SGCZ: variants seen among roughly 807,000 people sequenced by gnomAD.
SGCZ encodes the protein zeta-sarcoglycan.
In SGCZ, 40 loss-of-function variants were observed where a neutral mutation model predicts 41.3. That is an observed-to-expected ratio of 0.97 (90% CI 0.75 to 1.26). SGCZ has a LOEUF of 1.26. SGCZ is among the 50% of genes most tolerant of loss of function. SGCZ has a pLI of 0.00. For synonymous variants in SGCZ, 206 were observed against 137.5 expected (o/e 1.50, Z -3.49); for missense variants, 552 against 369.8 (o/e 1.49, Z -4.04).
chr8:14,927,154 G>T (rs1015192700), intron 1 of SGCZ, among the ~76,000 whole-genome samples: 3 of 133,940 alleles, frequency 2.2e-5, no homozygotes, highest in African/African-American at 8.4e-5. Context: ...TGTCACCCAG[G>T]CTGGAGTGCA....
chr8:14,987,815 C>T (rs1477365644), intron 1 of SGCZ, among the ~76,000 whole-genome samples: 1 of 151,928 alleles, frequency 6.6e-6, no homozygotes, highest in African/African-American at 2.4e-5. Flanking sequence ...TTTCAGGCAA[C>T]AATTTCATTG....
At chr8:14,225,145 C>G (rs1806328791) in intron 4 of SGCZ, among the ~76,000 whole-genome samples, 2 of 152,004 alleles carry the variant, frequency 1.3e-5, no homozygotes, top group Admixed American at 1.3e-4. Context: ...CATCTCTTTC[C>G]TCTTATCAAT....
intron 1 of SGCZ, among the ~76,000 whole-genome samples, chr8:14,806,069 G>T (rs1271226248): frequency 6.6e-6 from 1 of 151,372 alleles, no homozygotes; most frequent in Non-Finnish European, 1.5e-5. Flanking sequence ...TCTCTGGGAC[G>T]CATTCAAAGC....
At chr8:14,865,594 A>G (rs1423013295) in intron 1 of SGCZ, among the ~76,000 whole-genome samples, 1 of 152,050 alleles carries the variant, frequency 6.6e-6, no homozygotes, top group Non-Finnish European at 1.5e-5. Context: ...CCACGAATTA[A>G]CCCATGAACC....
chr8:14,444,759 A>C (rs191111438), intron 2 of SGCZ, among the ~76,000 whole-genome samples: 2 of 152,194 alleles, frequency 1.3e-5, no homozygotes, highest in Non-Finnish European at 2.9e-5. Flanking sequence ...ACATGTATAC[A>C]TATGTAACTA....
intron 3 of SGCZ, among the ~76,000 whole-genome samples, chr8:14,277,946 A>G (rs944266956): frequency 1.3e-5 from 2 of 152,116 alleles, no homozygotes; most frequent in African/African-American, 4.8e-5. Flanking sequence ...CAGACAAAAG[A>G]AGTCATCGCC....
intron 2 of SGCZ, among the ~76,000 whole-genome samples, chr8:14,362,314 G>T (rs1403243750): frequency 6.6e-6 from 1 of 152,186 alleles, no homozygotes; most frequent in Non-Finnish European, 1.5e-5. Flanking sequence ...AGGCCTTGCT[G>T]AGCTGTAGGG....
At chr8:14,136,797 G>C (rs759636780) in intron 5 of SGCZ, among the ~76,000 whole-genome samples, 9 of 152,168 alleles carry the variant, frequency 5.9e-5, no homozygotes, top group Non-Finnish European at 1.3e-4. Flanking sequence ...GAAAAGAGCA[G>C]TGGTTCTCCC....
chr8:14,978,087 G>A (rs11987866), intron 1 of SGCZ, among the ~76,000 whole-genome samples: 7,589 of 151,880 alleles, frequency 0.05, 322 homozygotes, highest in African/African-American at 0.11. Context: ...GTACTTTCAT[G>A]TTCTCATATG....
In SGCZ at chr8:14,321,771, A is replaced by T. The variant is rs181111184; in HGVS notation, c.336+2332T>A. 2.4e-4 allele frequency among the ~76,000 whole-genome samples: 37 copies of T among 152,278 alleles called. No homozygotes were observed. In the East Asian group the frequency reaches 5.8e-3, roughly 24 times the overall value. On this transcript the variant is annotated intron_variant, in intron 3 of 7. Transcript: ENST00000382080. ...AGAACTACACGAACTTTGGAATTTTATCATAAAATTGTTGACTATATGAAA... is the reference window on the plus strand; with the variant it reads ...AGAACTACACGAACTTTGGAATTTTTTCATAAAATTGTTGACTATATGAAA...
intron 1 of SGCZ, among the ~76,000 whole-genome samples, chr8:14,784,935 A>T (rs1972915): frequency 0.14 from 9,321 of 67,584 alleles, 895 homozygotes; most frequent in African/African-American, 0.28. Context: ...TATATATATA[A>T]AATATATATA....
intron 2 of SGCZ, among the ~76,000 whole-genome samples, chr8:14,352,854 C>T (rs1413130730): frequency 6.6e-6 from 1 of 152,020 alleles, no homozygotes; most frequent in Non-Finnish European, 1.5e-5. Flanking sequence ...TCTTTTAACA[C>T]CTAAACAGCC....
chr8:14,399,741 C>A (rs546698480), intron 2 of SGCZ, among the ~76,000 whole-genome samples: 1 of 152,194 alleles, frequency 6.6e-6, no homozygotes, highest in Non-Finnish European at 1.5e-5. Flanking sequence ...TTTTCAATAA[C>A]TGTTGATGTA....
At chr8:14,586,104 C>G (rs948616905) in intron 1 of SGCZ, among the ~76,000 whole-genome samples, 3 of 152,172 alleles carry the variant, frequency 2.0e-5, no homozygotes, top group African/African-American at 4.8e-5. Context: ...ATACACGCAG[C>G]TGAGAATAAT....
chr8:14,387,233 G>A (rs543001226), intron 2 of SGCZ, among the ~76,000 whole-genome samples: 3 of 152,144 alleles, frequency 2.0e-5, no homozygotes, highest in South Asian at 2.1e-4. Context: ...TTTGTTTTTC[G>A]GAAATACAGT....
At chr8:15,018,181 T>C (rs1179160897) in intron 1 of SGCZ, among the ~76,000 whole-genome samples, 2 of 152,234 alleles carry the variant, frequency 1.3e-5, no homozygotes, top group African/African-American at 4.8e-5. Context: ...TCCTCTGGAA[T>C]ATTTTATCGT....
chr8:15,235,051 G>A (rs1381411096), intron 1 of SGCZ, among the ~76,000 whole-genome samples: 1 of 152,098 alleles, frequency 6.6e-6, no homozygotes, highest in African/African-American at 2.4e-5. Context: ...GTCAAAACAT[G>A]CAAATAATGC....
chr8:14,249,293 A>G (rs1799206039), intron 3 of SGCZ, among the ~76,000 whole-genome samples: 1 of 151,990 alleles, frequency 6.6e-6, no homozygotes, highest in Non-Finnish European at 1.5e-5. Context: ...GGCGCTTTTG[A>G]TTTTCAGGCC....
chr8:14,943,936 T>G (rs952846457), intron 1 of SGCZ, among the ~76,000 whole-genome samples: 2 of 152,204 alleles, frequency 1.3e-5, no homozygotes, highest in Non-Finnish European at 2.9e-5. Flanking sequence ...GTGTGTAGTA[T>G]GCCATGGTAT....
Sources: allele counts gnomAD v4.1 joint callset (sites outside exome capture counted in the v4.1 genomes callset), GRCh38; gene constraint gnomAD v4.1.1; transcripts MANE v1.5; gene names NCBI Gene and HGNC (gene_info 2026-07-23, HGNC 2026-07-21).